SLC39A11: variants seen among roughly 807,000 people sequenced by gnomAD.
SLC39A11 encodes solute carrier family 39 member 11.
Under a neutral mutation model 36.1 loss-of-function variants are expected in SLC39A11, and 33 were observed. The ratio of observed to expected loss-of-function variants is 0.91; its 90% CI spans 0.69 to 1.22. The LOEUF (loss-of-function observed/expected upper bound fraction) is 1.22, where lower values mean the gene tolerates loss of function less well. SLC39A11 is among the 50% of genes most tolerant of loss of function. The pLI, the probability that SLC39A11 is intolerant of heterozygous loss-of-function variation, is 0.00. For synonymous variants in SLC39A11, 166 were observed against 170.3 expected (o/e 0.97, Z 0.20); for missense variants, 432 against 430.3 (o/e 1.00, Z -0.03).
intron 6 of SLC39A11, among the ~76,000 whole-genome samples, chr17:72,802,938 G>C (rs533558558): frequency 1.2e-4 from 19 of 152,332 alleles, no homozygotes; most frequent in African/African-American, 3.8e-4. Flanking sequence ...GAGTCCCTCT[G>C]CCTGCTGGGG....
chr17:72,713,556 T>G (rs935270260), intron 7 of SLC39A11, among the ~76,000 whole-genome samples: 10 of 152,120 alleles, frequency 6.6e-5, no homozygotes, highest in African/African-American at 2.2e-4. Flanking sequence ...CATCAAACTC[T>G]TCTTCTTCCT....
intron 4 of SLC39A11, among the ~76,000 whole-genome samples, chr17:73,007,525 G>T (rs889062664): frequency 6.6e-6 from 1 of 152,204 alleles, no homozygotes; most frequent in Non-Finnish European, 1.5e-5. Flanking sequence ...ACTTGGCCTG[G>T]TGAAAGCAAA....
chr17:72,904,973 A>G (rs1158226853), intron 5 of SLC39A11, among the ~76,000 whole-genome samples: 1 of 151,686 alleles, frequency 6.6e-6, no homozygotes, highest in Non-Finnish European at 1.5e-5. Flanking sequence ...GGAGATCGAG[A>G]CCATCCTGGC....
chr17:72,941,385 C>T (rs1405794500), intron 5 of SLC39A11, among the ~76,000 whole-genome samples: 1 of 152,146 alleles, frequency 6.6e-6, no homozygotes, highest in African/African-American at 2.4e-5. Context: ...CTTGGACTTC[C>T]AGCCTCCAGA....
intron 4 of SLC39A11, among the ~76,000 whole-genome samples, chr17:72,961,161 G>A (rs2086584422): frequency 6.6e-6 from 1 of 152,308 alleles, no homozygotes; most frequent in African/African-American, 2.4e-5. Context: ...CGAGTATTAG[G>A]ACAATGGATA....
At chr17:72,731,327 C>A (rs2143846404) in intron 7 of SLC39A11, among the ~76,000 whole-genome samples, 1 of 152,250 alleles carries the variant, frequency 6.6e-6, no homozygotes, top group South Asian at 2.1e-4. Flanking sequence ...AGATTCTGTC[C>A]CAGTCCCTGG....
At chr17:73,072,841 G>A (rs1233099536) in intron 3 of SLC39A11, among the ~76,000 whole-genome samples, 1 of 152,184 alleles carries the variant, frequency 6.6e-6, no homozygotes, top group Non-Finnish European at 1.5e-5. Flanking sequence ...CTTTGCCAAT[G>A]CACAGCGGTT....
chr17:72,911,769 G>A (rs67344488), intron 5 of SLC39A11, among the ~76,000 whole-genome samples: 77,381 of 151,576 alleles, frequency 0.51, 19,695 homozygotes, highest in African/African-American at 0.53. Flanking sequence ...TCAGCCTCCC[G>A]AGTAGCTGGA....
chr17:72,840,713 C>T (rs938986684), intron 6 of SLC39A11, among the ~76,000 whole-genome samples: 1 of 151,672 alleles, frequency 6.6e-6, no homozygotes, highest in African/African-American at 2.4e-5. Flanking sequence ...GCTGAGATCG[C>T]GCCACTGCAC....
chr17:72,932,132 C>T (rs562788460), intron 5 of SLC39A11, among the ~76,000 whole-genome samples: 1 of 152,000 alleles, frequency 6.6e-6, no homozygotes, highest in African/African-American at 2.4e-5. Context: ...TGAGAGCATA[C>T]AATATACTAG....
rs930730634 is a variant in SLC39A11 at position 72,649,169 on chromosome 17, C to T, written c.770+1G>A. The T allele has an allele frequency of 1.2e-6, 2 of 1,612,890 alleles. No individual in the cohort carries two copies. The highest frequency in any genetic ancestry group is 1.7e-6 in the Non-Finnish European group (2 of 1,179,542). On this transcript the variant is annotated splice_donor_variant, in intron 8 of 9. Transcript: ENST00000255559. LOFTEE classifies it high-confidence loss of function. ...TGGCCTTGCCCTTGGGCAGCACTCA[C>T]CAGAAAGCTCTCCAGGTGGAGAAGC...
At chr17:73,081,171 G>A (rs1292365361) in intron 3 of SLC39A11, among the ~76,000 whole-genome samples, 3 of 151,938 alleles carry the variant, frequency 2.0e-5, no homozygotes, top group Non-Finnish European at 4.4e-5. Flanking sequence ...GACATGAATG[G>A]ACAATTCTCA....
At chr17:72,754,039 TATATATACACATACACACACACACACAC>T (rs1203786659) in intron 6 of SLC39A11, among the ~76,000 whole-genome samples, 1 of 109,738 alleles carries the variant, frequency 9.1e-6, no homozygotes, top group African/African-American at 3.8e-5. Context: ...TATATATATA[TATATATACACATACACACACACACACAC>T]ACACACACAC....
At chr17:72,670,663 C>T (rs991065466) in intron 7 of SLC39A11, among the ~76,000 whole-genome samples, 3 of 152,126 alleles carry the variant, frequency 2.0e-5, no homozygotes, top group Non-Finnish European at 4.4e-5. Flanking sequence ...TTTGTTGCTC[C>T]AATTGTTCCA....
At chr17:72,768,553 A>C (rs2075829026) in intron 6 of SLC39A11, among the ~76,000 whole-genome samples, 1 of 152,126 alleles carries the variant, frequency 6.6e-6, no homozygotes, top group Non-Finnish European at 1.5e-5. Flanking sequence ...CTGTGTGTAC[A>C]TATGAGGCAG....
chr17:72,754,510 A>G (rs755633262), intron 6 of SLC39A11, among the ~76,000 whole-genome samples: 1 of 152,216 alleles, frequency 6.6e-6, no homozygotes, highest in Non-Finnish European at 1.5e-5. Flanking sequence ...GTTGGCCTAC[A>G]GAGGATGAGG....
chr17:73,000,231 A>G (rs1057085705), intron 4 of SLC39A11, among the ~76,000 whole-genome samples: 1 of 108,704 alleles, frequency 9.2e-6, no homozygotes, highest in African/African-American at 3.6e-5. Flanking sequence ...CCCCTCCCCC[A>G]TTCCCCTCTT....
At chr17:72,688,420 C>G (rs2071856205) in intron 7 of SLC39A11, among the ~76,000 whole-genome samples, 1 of 152,238 alleles carries the variant, frequency 6.6e-6, no homozygotes, top group East Asian at 1.9e-4. Flanking sequence ...CTGGACAACC[C>G]CCTCAGTCCA....
intron 7 of SLC39A11, among the ~76,000 whole-genome samples, chr17:72,735,667 T>A (rs577537865): frequency 2.2e-3 from 340 of 152,332 alleles, no homozygotes; most frequent in African/African-American, 8.0e-3. Context: ...CCTGACTGTC[T>A]CCACCCATTT....
Sources: gnomAD v4.1 joint callset for allele counts (sites outside exome capture counted in the v4.1 genomes callset) on GRCh38, gnomAD v4.1.1 for gene constraint, MANE v1.5 for transcripts, NCBI Gene and HGNC (gene_info 2026-07-23, HGNC 2026-07-21) for gene names.